RALGAPB: variants seen among roughly 807,000 people sequenced by gnomAD.
RALGAPB encodes the protein Ral GTPase activating protein non-catalytic subunit beta, also known as ral GTPase-activating protein subunit beta.
In RALGAPB, 25 loss-of-function variants were observed where a neutral mutation model predicts 161.1. The ratio of observed to expected loss-of-function variants is 0.16; its 90% CI spans 0.11 to 0.22. RALGAPB has a LOEUF of 0.22. Among genes scored for constraint, RALGAPB ranks in the 10% least tolerant of loss-of-function variants. The pLI is 1.00. For missense variants in RALGAPB, 1,391 were observed against 1,815.2 expected, an observed-to-expected ratio of 0.77 and a Z score of 4.25; for synonymous variants, 629 against 626.1, an observed-to-expected ratio of 1.00 and a Z score of -0.07.
Position 38,553,797 on chromosome 20 carries a change from A to C in RALGAPB, c.3163-70A>C, listed in dbSNP as rs1224886759. The C allele has an allele frequency of 8.8e-6, 8 of 905,052 alleles. No homozygotes were observed. The Admixed American group carries it at 8.9e-5, about 10-fold the overall frequency. 56.1% of individuals were successfully genotyped at this position (905,052 alleles called of 1,614,324 possible). A position where few individuals can be genotyped will look rare whatever the true frequency, so the allele number is the denominator to read the frequency against. On this transcript the variant is annotated intron_variant, in intron 21 of 29. Coordinates refer to ENST00000262879, the MANE Select transcript of RALGAPB (RefSeq NM_020336.4). ...AGTCTCAAAAAAAAAAAAAAAAAAAAAAAACACTTAAGATTGGCCTTACTA... is the reference window on the plus strand; with the variant it reads ...AGTCTCAAAAAAAAAAAAAAAAAAACAAAACACTTAAGATTGGCCTTACTA...
intron 9 of RALGAPB, chr20:38,520,372 T>A (rs6100046): frequency 0.03 from 12,611 of 426,198 alleles, 1,587 homozygotes; most frequent in African/African-American, 0.25. Flanking sequence ...TCTTGTAGTT[T>A]TTGCACTTGG....
intron 23 of RALGAPB, among the ~76,000 whole-genome samples, chr20:38,559,555 G>A (rs917865901): frequency 1.3e-5 from 2 of 152,168 alleles, no homozygotes; most frequent in African/African-American, 4.8e-5. Flanking sequence ...ATTAGCCAGC[G>A]TGGTGGCAGG....
At chr20:38,555,546 T>G (rs1461971244) in intron 22 of RALGAPB, among the ~76,000 whole-genome samples, 1 of 152,200 alleles carries the variant, frequency 6.6e-6, no homozygotes, top group African/African-American at 2.4e-5. Flanking sequence ...ATTAGTGATA[T>G]TCCTAGTGGA....
At chr20:38,504,339 T>C (rs1446363528) in intron 5 of RALGAPB, among the ~76,000 whole-genome samples, 1 of 152,216 alleles carries the variant, frequency 6.6e-6, no homozygotes, top group Non-Finnish European at 1.5e-5. Context: ...GGGAAAGGAC[T>C]CTCTATTCAA....
At chr20:38,482,150 AAAG>A (rs2084987834) in intron 1 of RALGAPB, among the ~76,000 whole-genome samples, 1 of 152,180 alleles carries the variant, frequency 6.6e-6, no homozygotes, top group South Asian at 2.1e-4. Context: ...AAGTAAGAGA[AAAG>A]AAAATGTTAT....
In RALGAPB at chr20:38,562,649, A is replaced by G. The variant is rs1004592780; in HGVS notation, c.3649A>G (p.Thr1217Ala). The G allele has an allele frequency of 1.9e-6, 3 of 1,613,812 alleles. No individual in the cohort carries two copies. The highest frequency in any genetic ancestry group is 1.1e-5 in the South Asian group (1 of 91,010). ...CCCTGGTTGGACTGGGCATGTTTCT[A>G]CCAGTTGGTCTATTAATTGTTGTGA... is the stretch of plus-strand genomic sequence containing the variant. ...RHPGWTGHVSTSWSINCCDDG... is the reference protein window; with the variant it reads ...RHPGWTGHVSASWSINCCDDG... The change falls in exon 24 of 30, where the codon ACC (threonine) becomes GCC (alanine). Residue 1217 changes from threonine to alanine, a missense_variant. By Grantham distance (58) the Thr-to-Ala change is moderately conservative. Coordinates refer to ENST00000262879, the MANE Select transcript of RALGAPB (RefSeq NM_020336.4).
At chr20:38,565,550 T>C (rs1296191631) in intron 25 of RALGAPB, 72 bp downstream of exon 25, 8 of 1,531,304 alleles carry the variant, frequency 5.2e-6, no homozygotes, top group Admixed American at 3.7e-5. Flanking sequence ...TATTACTGCA[T>C]TGGAAGAGAT....
rs1414963252 is a variant in RALGAPB, at chr20:38,565,593, A to T, written c.3817+115A>T. ...TGATCTAAGGCATTCTTTAGCTTCT[A>T]AGGCATTATAACAATATGCAGAAGC... On this transcript the variant is annotated intron_variant, in intron 25 of 29. Coordinates refer to ENST00000262879, the MANE Select transcript of RALGAPB (RefSeq NM_020336.4). 5 of 1,280,612 alleles carry T rather than the reference A, an allele frequency of 3.9e-6. No individual in the cohort carries two copies. The African/African-American group carries it at 7.4e-5, about 19-fold the overall frequency. The allele number at this position is 1,280,612 out of a possible 1,614,324, so 79.3% of individuals were successfully genotyped here.
At chr20:38,494,987 A>G (rs1157766099) in intron 3 of RALGAPB, among the ~76,000 whole-genome samples, 1 of 152,256 alleles carries the variant, frequency 6.6e-6, no homozygotes, top group East Asian at 1.9e-4. Flanking sequence ...TCTCAAAAGT[A>G]TGTGTGCATA....
intron 1 of RALGAPB, among the ~76,000 whole-genome samples, chr20:38,477,615 TAAAA>T (rs1174917429): frequency 1.3e-5 from 2 of 152,098 alleles, no homozygotes; most frequent in African/African-American, 4.8e-5. Flanking sequence ...TGGTGCACCT[TAAAA>T]AAAGCACAGT....
chr20:38,562,048 T>G (rs2087802967), intron 23 of RALGAPB, among the ~76,000 whole-genome samples: 1 of 152,248 alleles, frequency 6.6e-6, no homozygotes, highest in Non-Finnish European at 1.5e-5. Flanking sequence ...GAAAAGGATA[T>G]TTTCATACTC....
chr20:38,485,688 A>G (rs757520048), intron 1 of RALGAPB, among the ~76,000 whole-genome samples: 3 of 152,072 alleles, frequency 2.0e-5, no homozygotes, highest in Non-Finnish European at 4.4e-5. Context: ...CGGCCTCCCA[A>G]AGTACTGGGA....
chr20:38,548,536 T>C (rs2087252605), intron 19 of RALGAPB, among the ~76,000 whole-genome samples, 153 bp from the exon 20 acceptor site: 1 of 152,228 alleles, frequency 6.6e-6, no homozygotes, highest in Non-Finnish European at 1.5e-5. Flanking sequence ...CGGGTATGGG[T>C]ACGGCAGAAA....
intron 16 of RALGAPB, 140 bp from the exon 17 acceptor site, chr20:38,539,636 T>C (rs1274648145): frequency 2.9e-6 from 2 of 679,082 alleles, no homozygotes; most frequent in Non-Finnish European, 4.7e-6. Context: ...AATCTGTTCC[T>C]GTATATAAAT....
chr20:38,514,277 G>C (rs536166504), intron 6 of RALGAPB, among the ~76,000 whole-genome samples: 25 of 152,274 alleles, frequency 1.6e-4, no homozygotes, highest in African/African-American at 5.5e-4. Flanking sequence ...TCTCCAGCAG[G>C]CTTGCTCCTG....
At position 38,497,455 on chromosome 20, in the gene RALGAPB, A is replaced by T; in HGVS notation, c.492A>T (p.Glu164Asp). 2 of 1,614,126 alleles carry T rather than the reference A, an allele frequency of 1.2e-6. No individual in the cohort carries two copies. Among genetic ancestry groups the T allele is most frequent in the South Asian group, 2.2e-5 (2 of 91,066 alleles). ...ESSLMARETWEVLLLFLLQIN... is the reference protein window; with the variant it reads ...ESSLMARETWDVLLLFLLQIN... ...CTCTCATGGCCCGAGAAACTTGGGA[A>T]GTCTTACTGTTGTTTCTTCTGCAGA... The change falls in exon 4 of 30, where the codon GAA becomes GAT. Residue 164 changes from glutamate to aspartate, a missense_variant. Physicochemically the swap from Glu to Asp is conservative, Grantham distance 45. Around this residue, in one of 3 missense-constraint regions of RALGAPB, gnomAD observed 946 missense variants for 1,257.2 expected, o/e 0.75. Coordinates refer to ENST00000262879, the MANE Select transcript of RALGAPB (RefSeq NM_020336.4).
chr20:38,548,441 A>G (rs886788383), intron 19 of RALGAPB, among the ~76,000 whole-genome samples: 9 of 152,250 alleles, frequency 5.9e-5, no homozygotes, highest in East Asian at 1.9e-4. Flanking sequence ...TTAAAATTAT[A>G]TAATTAGTAC....
chr20:38,487,378 T>G (rs2085147995), intron 1 of RALGAPB, among the ~76,000 whole-genome samples: 1 of 152,094 alleles, frequency 6.6e-6, no homozygotes, highest in Non-Finnish European at 1.5e-5. Context: ...TACTGAAGAA[T>G]AAATGTCTAG....
At chr20:38,510,289 C>T (rs1031836766) in intron 6 of RALGAPB, among the ~76,000 whole-genome samples, 17 of 152,022 alleles carry the variant, frequency 1.1e-4, no homozygotes, top group Non-Finnish European at 2.1e-4. Context: ...TTACAAGCAT[C>T]GAGCCACCGC....
Sources: allele counts gnomAD v4.1 joint callset (sites outside exome capture counted in the v4.1 genomes callset), GRCh38; gene constraint gnomAD v4.1.1; regional missense constraint gnomAD v4.1.1; transcripts MANE v1.5; gene names NCBI Gene and HGNC (gene_info 2026-07-23, HGNC 2026-07-21).